Variants in KDM4B observed in about 807,000 individuals in gnomAD.
KDM4B encodes the protein lysine-specific demethylase 4B.
A neutral mutation model predicts 125.2 loss-of-function variants in KDM4B; 32 were observed. The observed-to-expected ratio is 0.26, with a 90% CI of 0.19 to 0.34. KDM4B has a LOEUF of 0.34. KDM4B is among the 10% of genes least tolerant of loss of function. The pLI, the probability that KDM4B is intolerant of heterozygous loss-of-function variation, is 1.00. For missense variants in KDM4B, 1,190 were observed against 1,577.7 expected (o/e 0.75, Z 4.16); for synonymous variants, 721 against 677.9 (o/e 1.06, Z -0.99).
At chr19:5,123,602 G>A (rs1029917586) in intron 11 of KDM4B, among the ~76,000 whole-genome samples, 30 of 152,262 alleles carry the variant, frequency 2.0e-4, no homozygotes, top group African/African-American at 6.8e-4. Flanking sequence ...AGCAGGCGAG[G>A]GGCTTCCTGC....
intron 15 of KDM4B, 137 bp downstream of exon 15, chr19:5,135,698 A>G (rs764790431): frequency 5.6e-6 from 4 of 708,322 alleles, no homozygotes; most frequent in Non-Finnish European, 9.2e-6. Flanking sequence ...GGGCCAGGGC[A>G]GGGGCCTCCC....
chr19:5,117,713 A>T (rs967061871), intron 10 of KDM4B, among the ~76,000 whole-genome samples: 2 of 152,074 alleles, frequency 1.3e-5, no homozygotes, highest in Non-Finnish European at 2.9e-5. Context: ...CGTGTCCCCC[A>T]TCCACCTCCT....
At chr19:5,017,092 C>T (rs1279318160) in intron 2 of KDM4B, among the ~76,000 whole-genome samples, 10 of 152,226 alleles carry the variant, frequency 6.6e-5, no homozygotes, top group South Asian at 2.1e-4. Context: ...GATTGTGTGC[C>T]GCTTCCCTGT....
Position 5,115,974 on chromosome 19 carries a change from T to C in KDM4B, c.1116-3679T>C, listed in dbSNP as rs1003966253. ...ACCCAAAGGCTTTGCATTTCCAGGT[T>C]AAAAAGTCCACCAGAAAGTCCGCCC... On this transcript the variant is annotated intron_variant, in intron 10 of 22. Coordinates refer to ENST00000159111, the MANE Select transcript of KDM4B (RefSeq NM_015015.3). The surrounding 1 kb of genome is among the most constrained non-coding windows in gnomAD (Gnocchi z 4.2). Among the ~76,000 whole-genome samples, 2 of 152,032 alleles carry C rather than the reference T, an allele frequency of 1.3e-5. No homozygotes were observed. Among genetic ancestry groups the C allele is most frequent in the African/African-American group, 4.8e-5 (2 of 41,378 alleles).
intron 2 of KDM4B, among the ~76,000 whole-genome samples, chr19:5,025,202 T>TG (rs914104720): frequency 1.3e-5 from 2 of 151,536 alleles, no homozygotes; most frequent in African/African-American, 2.4e-5. Flanking sequence ...AACCTAGGGG[T>TG]GGGGCGTGGT....
chr19:5,019,721 G>A (rs1471443976), intron 2 of KDM4B, among the ~76,000 whole-genome samples: 21 of 131,138 alleles, frequency 1.6e-4, no homozygotes, highest in Middle Eastern at 6.1e-3. Flanking sequence ...CAGGTGGTGT[G>A]CAGGTGTGGG....
intron 6 of KDM4B, among the ~76,000 whole-genome samples, chr19:5,048,745 T>C (rs2037122090): frequency 1.3e-5 from 2 of 152,230 alleles, no homozygotes; most frequent in Non-Finnish European, 1.5e-5. Context: ...CCCGTGTGAC[T>C]TGGGGCAAAG....
chr19:5,010,710 C>A (rs765227511), intron 1 of KDM4B, among the ~76,000 whole-genome samples: 1 of 152,190 alleles, frequency 6.6e-6, no homozygotes, highest in Non-Finnish European at 1.5e-5. Flanking sequence ...TGCAGTGGCG[C>A]GATCTTCGCT....
intron 1 of KDM4B, among the ~76,000 whole-genome samples, chr19:5,007,052 G>T (rs1335711878): frequency 2.0e-5 from 3 of 152,236 alleles, no homozygotes; most frequent in Non-Finnish European, 4.4e-5. Context: ...GCAGGGACCT[G>T]GGCGGAACGG....
At chr19:4,989,543 G>A (rs57618572) in intron 1 of KDM4B, among the ~76,000 whole-genome samples, 3,013 of 151,952 alleles carry the variant, frequency 0.02, 99 homozygotes, top group African/African-American at 0.068. Context: ...GTTTTACCAT[G>A]TTGGCCAGGC....
chr19:5,143,735 G>A (rs781694651), intron 18 of KDM4B, among the ~76,000 whole-genome samples: 2 of 152,166 alleles, frequency 1.3e-5, no homozygotes, highest in Non-Finnish European at 1.5e-5. Context: ...AGGGGGGATG[G>A]GAGAGGACTC....
At chr19:5,144,502 T>TG in intron 20 of KDM4B, 90 bp downstream of exon 20, 1 of 87,224 alleles carries the variant, frequency 1.1e-5, no homozygotes, top group Admixed American at 2.5e-4. Flanking sequence ...GCTGTGGGGG[T>TG]GGGCGGGGGG....
rs374475077 is a variant in KDM4B at position 5,144,875 on chromosome 19, C to T, written c.2994C>T (p.Ile998=). Residue 998 remains isoleucine, a synonymous_variant, in exon 21 of 23, where the codon ATC becomes ATT. Transcript: ENST00000159111. ...GCAACCTCTACAAGGCCAAGTTCAT[C>T]TCCTCCGTCACCAGCCACATCTACC... ...TDGNLYKAKF[I]SSVTSHIYQV... 1.1e-5 allele frequency: 17 copies of T among 1,612,936 alleles called. No individual in the cohort carries two copies. Among genetic ancestry groups the T allele is most frequent in the Non-Finnish European group, 1.4e-5 (16 of 1,179,752 alleles).
At chr19:5,083,417 G>A (rs775204046) in intron 9 of KDM4B, among the ~76,000 whole-genome samples, 1 of 152,220 alleles carries the variant, frequency 6.6e-6, no homozygotes, top group Non-Finnish European at 1.5e-5. Flanking sequence ...AAAGGGGAGT[G>A]TGGGACCCGG....
chr19:4,998,624 C>T (rs1390852537), intron 1 of KDM4B, among the ~76,000 whole-genome samples: 2 of 152,150 alleles, frequency 1.3e-5, no homozygotes, highest in Non-Finnish European at 2.9e-5. Context: ...CTGATAAAAT[C>T]AAATCTACAG....
chr19:5,093,375 C>A (rs4807687), intron 9 of KDM4B, among the ~76,000 whole-genome samples: 40,918 of 152,138 alleles, frequency 0.27, 6,082 homozygotes, highest in East Asian at 0.68. Context: ...CTTGCCTGGC[C>A]TGGCTGGCCG....
intron 18 of KDM4B, among the ~76,000 whole-genome samples, chr19:5,143,747 C>T (rs2039787065): frequency 6.6e-6 from 1 of 152,146 alleles, no homozygotes. Flanking sequence ...AGAGGACTCC[C>T]CAGAGGCTGA....
intron 21 of KDM4B, among the ~76,000 whole-genome samples, chr19:5,148,674 G>C (rs183603920): frequency 4.0e-4 from 61 of 152,198 alleles, no homozygotes; most frequent in Non-Finnish European, 8.1e-4. Flanking sequence ...TCCAAAACCC[G>C]CTGCTGCCCT....
intron 1 of KDM4B, among the ~76,000 whole-genome samples, chr19:4,975,364 C>T (rs2034409447): frequency 6.6e-6 from 1 of 150,992 alleles, no homozygotes; most frequent in African/African-American, 2.4e-5. Context: ...CTTTTTTTTT[C>T]CTCCAACGAC....
Sources: allele counts gnomAD v4.1 joint callset (sites outside exome capture counted in the v4.1 genomes callset), GRCh38; gene constraint gnomAD v4.1.1; non-coding constraint Gnocchi (gnomAD v3.1); transcripts MANE v1.5; gene names NCBI Gene and HGNC (gene_info 2026-07-23, HGNC 2026-07-21).